The following TRPC3 variants were observed in gnomAD, a reference collection of about 807,000 sequenced individuals.
TRPC3 encodes the protein short transient receptor potential channel 3.
A neutral mutation model predicts 90.9 loss-of-function variants in TRPC3; 54 were observed. The ratio of observed to expected loss-of-function variants is 0.59; its 90% CI spans 0.48 to 0.75. The LOEUF is 0.75. Ranked by LOEUF, TRPC3 falls within the 30% of genes least tolerant of loss-of-function variation. The pLI is 0.00. For synonymous variants in TRPC3, 424 were observed against 450.9 expected, an observed-to-expected ratio of 0.94 and a Z score of 0.75; for missense variants, 918 against 1,194.5, an observed-to-expected ratio of 0.77 and a Z score of 3.41.
chr4:121,926,904 AC>A (rs1302145289), intron 2 of TRPC3, among the ~76,000 whole-genome samples: 1 of 152,174 alleles, frequency 6.6e-6, no homozygotes, highest in Non-Finnish European at 1.5e-5. Context: ...TGATTTAGAA[AC>A]TGAGGAAGGG....
chr4:121,875,245 C>T lies in TRPC3; in HGVS notation c.*4491G>A, dbSNP rs866022602. ...AGGAAAGTAAAAGTTTATTTTGAAGCTCAAATTTATTTTAAAACAGTGAAA... is the reference window on the plus strand; with the variant it reads ...AGGAAAGTAAAAGTTTATTTTGAAGTTCAAATTTATTTTAAAACAGTGAAA... On this transcript the variant is annotated 3_prime_UTR_variant, in exon 12 of 12. Coordinates refer to ENST00000379645, the MANE Select transcript of TRPC3 (RefSeq NM_001130698.2). Among the ~76,000 whole-genome samples, 1 of 151,940 alleles carries T rather than the reference C, an allele frequency of 6.6e-6. No homozygotes were observed. The highest frequency in any genetic ancestry group is 6.6e-5 in the Admixed American group (1 of 15,256).
At chr4:121,891,268 A>G (rs1728320349) in intron 10 of TRPC3, among the ~76,000 whole-genome samples, 1 of 152,214 alleles carries the variant, frequency 6.6e-6, no homozygotes, top group African/African-American at 2.4e-5. Flanking sequence ...ATATAAATAT[A>G]TAGAAATAGA....
chr4:121,892,549 C>T (rs1336692925), intron 10 of TRPC3, among the ~76,000 whole-genome samples: 2 of 152,066 alleles, frequency 1.3e-5, no homozygotes, highest in African/African-American at 4.8e-5. Flanking sequence ...TTGTTAGGTA[C>T]CACATTAGGA....
chr4:121,883,335 T>C (rs963774361), intron 10 of TRPC3, among the ~76,000 whole-genome samples: 1 of 152,028 alleles, frequency 6.6e-6, no homozygotes, highest in Non-Finnish European at 1.5e-5. Flanking sequence ...AGAGATACTA[T>C]AAAGAAAGTG....
In TRPC3 at chr4:121,875,889, A is replaced by ATTTTT. The variant is rs1163932789; in HGVS notation, c.*3842_*3846dup. 1.3e-5 allele frequency among the ~76,000 whole-genome samples: 1 copy of ATTTTT among 75,092 alleles called. No homozygotes were observed. The highest frequency in any genetic ancestry group is 2.5e-5 in the Non-Finnish European group (1 of 39,978). 49.3% of individuals were successfully genotyped at this position (75,092 alleles called of 152,430 possible). On this transcript the variant is annotated 3_prime_UTR_variant, in exon 12 of 12. Coordinates refer to ENST00000379645, the MANE Select transcript of TRPC3 (RefSeq NM_001130698.2). The stretch of plus-strand genomic sequence containing the variant: ...ACAAAGTTATAAATACCCATTTTAG[A>ATTTTT]TTTTTTTTTTTTTTTTTTTTTTTTT...
chr4:121,918,319 C>T (rs998325825), intron 3 of TRPC3, among the ~76,000 whole-genome samples: 1 of 152,180 alleles, frequency 6.6e-6, no homozygotes, highest in Non-Finnish European at 1.5e-5. Flanking sequence ...TCTATTGTAA[C>T]AACACAAACG....
chr4:121,879,707 A>G lies in TRPC3; in HGVS notation c.*29T>C. 1 of 1,592,378 alleles carries G rather than the reference A, an allele frequency of 6.3e-7. No homozygotes were observed. Among genetic ancestry groups the G allele is most frequent in the South Asian group, 1.2e-5 (1 of 85,360 alleles). On this transcript the variant is annotated 3_prime_UTR_variant, in exon 12 of 12. Coordinates refer to ENST00000379645, the MANE Select transcript of TRPC3 (RefSeq NM_001130698.2). ...AAATATTATTGCCCACATTTGTGCT[A>G]TAGTCAAAGCCAAATCCAGGTTGCT...
At position 121,951,444 on chromosome 4, in the gene TRPC3, C is replaced by T; in HGVS notation, c.215+22G>A. ...CGGCACCGCCCTCCGAGGCGCGGGC[C>T]GCGGCCGGGCCCGGTACTCACAGGT... On this transcript the variant is annotated intron_variant, in intron 1 of 11. Coordinates refer to ENST00000379645, the MANE Select transcript of TRPC3 (RefSeq NM_001130698.2). This position sits in a 1 kb window ranked among gnomAD's most constrained non-coding sequence, Gnocchi z 4.4. 8.4e-7 allele frequency: 1 copy of T among 1,194,548 alleles called. No individual in the cohort carries two copies. Among genetic ancestry groups the T allele is most frequent in the Non-Finnish European group, 1.0e-6 (1 of 963,420 alleles). The allele number at this position is 1,194,548 out of a possible 1,614,324, so 74.0% of individuals were successfully genotyped here. A position where few individuals can be genotyped will look rare whatever the true frequency, so the allele number is the denominator to read the frequency against.
At chr4:121,890,278 A>G (rs1015773633) in intron 10 of TRPC3, among the ~76,000 whole-genome samples, 3 of 152,168 alleles carry the variant, frequency 2.0e-5, no homozygotes, top group Admixed American at 6.5e-5. Flanking sequence ...AGTTAACAAC[A>G]TTGTATTGTA....
At chr4:121,904,290 G>A (rs1323682111) in intron 8 of TRPC3, 32 bp downstream of exon 8, 1 of 1,571,772 alleles carries the variant, frequency 6.4e-7, no homozygotes, top group Admixed American at 2.0e-5. Context: ...AGGATGACAA[G>A]GATAGATACT....
In TRPC3 at chr4:121,919,596, G is replaced by A. The variant is rs559092561; in HGVS notation, c.1177-4652C>T. ...TGCCGGCCAGCACACCCGTTCCAAC[G>A]TCTCAGTGGTGTATTTACCACTCTC... On this transcript the variant is annotated intron_variant, in intron 3 of 11. Transcript: ENST00000379645. Among the ~76,000 whole-genome samples, 48 of 152,282 alleles carry A rather than the reference G, an allele frequency of 3.2e-4. No homozygotes were observed. In the East Asian group the frequency reaches 5.2e-3, roughly 17 times the overall value.
intron 10 of TRPC3, among the ~76,000 whole-genome samples, chr4:121,894,022 T>G (rs1188783443): frequency 6.6e-6 from 1 of 152,124 alleles, no homozygotes; most frequent in South Asian, 2.1e-4. Flanking sequence ...TCCATCAGTT[T>G]GATAATAGCT....
At chr4:121,880,451 C>T (rs912975784) in intron 11 of TRPC3, among the ~76,000 whole-genome samples, 4 of 152,036 alleles carry the variant, frequency 2.6e-5, no homozygotes, top group African/African-American at 2.4e-5. Flanking sequence ...AGGACTAATG[C>T]GTAAGGAAGT....
chr4:121,931,651 T>C (rs1012610978), intron 2 of TRPC3, among the ~76,000 whole-genome samples: 1 of 152,238 alleles, frequency 6.6e-6, no homozygotes, highest in Non-Finnish European at 1.5e-5. Flanking sequence ...TATACATTTG[T>C]GGAATTCAGG....
At chr4:121,899,445 TTA>T (rs1728628756) in intron 10 of TRPC3, among the ~76,000 whole-genome samples, 165 bp downstream of exon 10, 1 of 152,066 alleles carries the variant, frequency 6.6e-6, no homozygotes, top group South Asian at 2.1e-4. Context: ...TAATTTTTTT[TTA>T]AAAAATTTCA....
Position 121,951,778 on chromosome 4 carries a change from G to A in TRPC3, c.-98C>T, listed in dbSNP as rs1730778360. 1 of 1,057,294 alleles carries A rather than the reference G, an allele frequency of 9.5e-7. No individual in the cohort carries two copies. Among genetic ancestry groups the A allele is most frequent in the Non-Finnish European group, 1.2e-6 (1 of 810,062 alleles). 65.5% of individuals were successfully genotyped at this position (1,057,294 alleles called of 1,614,324 possible). A position where few individuals can be genotyped will look rare whatever the true frequency, so the allele number is the denominator to read the frequency against. ...CCGCGGCGCCCCTTCACCACCTCCC[G>A]CGGCTTCCGGGGCCCCGGGCGGCCC... On this transcript the variant is annotated 5_prime_UTR_variant, in exon 1 of 12. Transcript: ENST00000379645. This position sits in a 1 kb window ranked among gnomAD's most constrained non-coding sequence, Gnocchi z 4.4.
In TRPC3 at chr4:121,878,760, T is replaced by C. The variant is rs546326071; in HGVS notation, c.*976A>G. On this transcript the variant is annotated 3_prime_UTR_variant, in exon 12 of 12. Coordinates refer to ENST00000379645, the MANE Select transcript of TRPC3 (RefSeq NM_001130698.2). ...GCCCCAAAAGGAACTGAAACACACC[T>C]GGGGATGCTTGGCCATGTCTTTCCA... is the stretch of plus-strand genomic sequence containing the variant. 1.6e-4 allele frequency among the ~76,000 whole-genome samples: 24 copies of C among 152,334 alleles called. No individual in the cohort carries two copies. The East Asian group carries it at 4.4e-3, about 28-fold the overall frequency.
At chr4:121,950,528 G>A (rs1156249182) in intron 1 of TRPC3, 1 of 152,318 alleles carries the variant, frequency 6.6e-6, no homozygotes, top group African/African-American at 2.4e-5. Context: ...AAAAAATACA[G>A]AGCATCTCAC....
At chr4:121,923,596 GTGCTAATCACA>G (rs1481572624) in intron 3 of TRPC3, among the ~76,000 whole-genome samples, 2 of 152,210 alleles carry the variant, frequency 1.3e-5, no homozygotes, top group Non-Finnish European at 2.9e-5. Flanking sequence ...GTACTACTGT[GTGCTAATCACA>G]TGCATTATCT....
Sources: allele counts gnomAD v4.1 joint callset (sites outside exome capture counted in the v4.1 genomes callset), GRCh38; gene constraint gnomAD v4.1.1; non-coding constraint Gnocchi (gnomAD v3.1); transcripts MANE v1.5; gene names NCBI Gene and HGNC (gene_info 2026-07-23, HGNC 2026-07-21).